ZDHHC14: variants seen among roughly 807,000 people sequenced by gnomAD.
ZDHHC14 encodes the protein zDHHC palmitoyltransferase 14.
In ZDHHC14, 16 loss-of-function variants were observed where a neutral mutation model predicts 47.7. The observed-to-expected ratio is 0.34, with a 90% confidence interval of 0.23 to 0.51. ZDHHC14 has a LOEUF of 0.51. Ranked by LOEUF, ZDHHC14 falls within the 20% of genes least tolerant of loss-of-function variation. The pLI is 0.97. For missense variants in ZDHHC14, 515 were observed against 662.5 expected (o/e 0.78, Z 2.44); for synonymous variants, 293 against 278.9 (o/e 1.05, Z -0.50).
At chr6:157,543,458 G>C (rs919299023) in intron 2 of ZDHHC14, among the ~76,000 whole-genome samples, 2 of 152,120 alleles carry the variant, frequency 1.3e-5, no homozygotes, top group African/African-American at 4.8e-5. Flanking sequence ...CATGGCAGAG[G>C]AGCTGTGATG....
At chr6:157,535,697 A>G (rs1351586187) in intron 1 of ZDHHC14, among the ~76,000 whole-genome samples, 3 of 152,134 alleles carry the variant, frequency 2.0e-5, no homozygotes, top group Admixed American at 6.5e-5. Context: ...CTTTCCAGGC[A>G]CGGGGTCCTG....
At chr6:157,395,792 CAAA>C (rs1186869019) in intron 1 of ZDHHC14, among the ~76,000 whole-genome samples, 3 of 106,988 alleles carry the variant, frequency 2.8e-5, no homozygotes, top group African/African-American at 3.4e-5. Context: ...GACTCCATCT[CAAA>C]AAAAAAAAAA....
chr6:157,394,816 T>C (rs1777489461), intron 1 of ZDHHC14, among the ~76,000 whole-genome samples: 1 of 152,128 alleles, frequency 6.6e-6, no homozygotes, highest in Non-Finnish European at 1.5e-5. Context: ...ACGTCTCAAA[T>C]GAAGTGTTGG....
At chr6:157,505,245 A>G (rs1780297995) in intron 1 of ZDHHC14, among the ~76,000 whole-genome samples, 1 of 152,244 alleles carries the variant, frequency 6.6e-6, no homozygotes, top group South Asian at 2.1e-4. Flanking sequence ...GTAAGATCCA[A>G]CGGTATTGGT....
chr6:157,509,541 A>T (rs1780410557), intron 1 of ZDHHC14, among the ~76,000 whole-genome samples: 1 of 152,184 alleles, frequency 6.6e-6, no homozygotes, highest in Admixed American at 6.5e-5. Context: ...GCAGAGCTGG[A>T]TTCACACCTG....
intron 1 of ZDHHC14, among the ~76,000 whole-genome samples, chr6:157,473,431 G>T (rs1232622652): frequency 1.3e-5 from 2 of 152,264 alleles, no homozygotes; most frequent in East Asian, 3.9e-4. Context: ...TCTGTGCCTG[G>T]TTTATTTCAC....
chr6:157,600,383 TGATAATA>T (rs1223907230), intron 3 of ZDHHC14, among the ~76,000 whole-genome samples: 1 of 152,168 alleles, frequency 6.6e-6, no homozygotes, highest in African/African-American at 2.4e-5. Flanking sequence ...TATGTGATCA[TGATAATA>T]GATAATAAAA....
intron 1 of ZDHHC14, among the ~76,000 whole-genome samples, chr6:157,495,029 T>C (rs1180409777): frequency 6.6e-6 from 1 of 152,088 alleles, no homozygotes. Flanking sequence ...TGCCACTACA[T>C]GGGACTACAG....
intron 1 of ZDHHC14, among the ~76,000 whole-genome samples, chr6:157,392,115 A>T (rs1777429669): frequency 6.6e-6 from 1 of 152,184 alleles, no homozygotes; most frequent in South Asian, 2.1e-4. Flanking sequence ...TGACATCTAG[A>T]CCCAAATGCT....
At chr6:157,554,601 A>G (rs1179630220) in intron 2 of ZDHHC14, among the ~76,000 whole-genome samples, 2 of 152,240 alleles carry the variant, frequency 1.3e-5, no homozygotes, top group Admixed American at 1.3e-4. Flanking sequence ...AGGGGCTCCC[A>G]AACTGGACTG....
At chr6:157,541,667 G>A (rs1781770311) in intron 1 of ZDHHC14, among the ~76,000 whole-genome samples, 2 of 152,206 alleles carry the variant, frequency 1.3e-5, no homozygotes, top group Non-Finnish European at 2.9e-5. Context: ...TGTGGTCACT[G>A]CAGATCCCAT....
chr6:157,566,172 T>C (rs1765422710), intron 2 of ZDHHC14, among the ~76,000 whole-genome samples: 1 of 152,186 alleles, frequency 6.6e-6, no homozygotes, highest in Non-Finnish European at 1.5e-5. Flanking sequence ...GCATTGGCTT[T>C]TGAGAGAAGA....
chr6:157,444,548 C>T (rs1037042870), intron 1 of ZDHHC14, among the ~76,000 whole-genome samples: 16 of 152,014 alleles, frequency 1.1e-4, no homozygotes, highest in Admixed American at 6.6e-5. Context: ...CATGGTGGTG[C>T]ACACCTGTAA....
intron 1 of ZDHHC14, among the ~76,000 whole-genome samples, chr6:157,453,947 T>G (rs1456621031): frequency 6.6e-6 from 1 of 152,214 alleles, no homozygotes; most frequent in Non-Finnish European, 1.5e-5. Context: ...ACCTTCTTAA[T>G]GTTTATCTTG....
At chr6:157,415,112 A>G (rs1211457167) in intron 1 of ZDHHC14, among the ~76,000 whole-genome samples, 2 of 152,094 alleles carry the variant, frequency 1.3e-5, no homozygotes, top group Non-Finnish European at 2.9e-5. Flanking sequence ...AGAGAACTAT[A>G]CTGATAATAT....
chr6:157,497,597 A>G (rs1160698458), intron 1 of ZDHHC14, among the ~76,000 whole-genome samples: 1 of 152,194 alleles, frequency 6.6e-6, no homozygotes, highest in Non-Finnish European at 1.5e-5. Context: ...CATCCCATTT[A>G]CAGGATGAAT....
At chr6:157,604,022 A>G (rs1784437260) in intron 3 of ZDHHC14, among the ~76,000 whole-genome samples, 1 of 152,192 alleles carries the variant, frequency 6.6e-6, no homozygotes, top group African/African-American at 2.4e-5. Context: ...AGAAAAAATT[A>G]TGTCTGTACT....
chr6:157,565,651 T>G (rs977591784), intron 2 of ZDHHC14, among the ~76,000 whole-genome samples: 2 of 152,002 alleles, frequency 1.3e-5, no homozygotes, highest in South Asian at 4.2e-4. Context: ...AAACCGTGTC[T>G]TTACTAAAAA....
At chr6:157,670,570 T>C (rs1047775244) in intron 8 of ZDHHC14, among the ~76,000 whole-genome samples, 4 of 152,134 alleles carry the variant, frequency 2.6e-5, no homozygotes, top group African/African-American at 9.7e-5. Context: ...GCTGGGATTA[T>C]AGGCATGAGC....
Sources: gnomAD v4.1 joint callset for allele counts (sites outside exome capture counted in the v4.1 genomes callset) on GRCh38, gnomAD v4.1.1 for gene constraint, MANE v1.5 for transcripts, NCBI Gene and HGNC (gene_info 2026-07-23, HGNC 2026-07-21) for gene names.